The following RALGAPA1 variants were observed in gnomAD, a reference collection of about 807,000 sequenced individuals.
RALGAPA1 encodes Ral GTPase activating protein catalytic subunit alpha 1.
In RALGAPA1, 52 loss-of-function variants were observed where a neutral mutation model predicts 269.6. The observed-to-expected ratio is 0.19, with a 90% CI of 0.15 to 0.24. The LOEUF (loss-of-function observed/expected upper bound fraction) is 0.24, where lower values mean the gene tolerates loss of function less well. Ranked by LOEUF, RALGAPA1 falls within the 10% of genes least tolerant of loss-of-function variation. The pLI is 1.00. For missense variants in RALGAPA1, 1,917 were observed against 3,013.9 expected (o/e 0.64, Z 8.52); for synonymous variants, 817 against 1,008.3 (o/e 0.81, Z 3.60).
At chr14:35,805,616 A>ACTCT (rs1466404203) in intron 1 of RALGAPA1, among the ~76,000 whole-genome samples, 4 of 151,612 alleles carry the variant, frequency 2.6e-5, no homozygotes, top group African/African-American at 9.7e-5. Flanking sequence ...GGAGAAAGAG[A>ACTCT]TTACAAAGGG....
At chr14:35,763,524 T>C (rs571929039) in intron 4 of RALGAPA1, among the ~76,000 whole-genome samples, 1 of 152,158 alleles carries the variant, frequency 6.6e-6, no homozygotes, top group African/African-American at 2.4e-5. Context: ...TTTATTTTTT[T>C]AAAAAGTTAT....
rs116501841 is a variant in RALGAPA1, at chr14:35,685,871, G to A, written c.4077+671C>T. Among the ~76,000 whole-genome samples the A allele has an allele frequency of 4.3e-3, 654 of 152,170 alleles. 3 individuals are homozygous for A. The highest frequency in any genetic ancestry group is 0.014 in the African/African-American group (587 of 41,538). On this transcript the variant is annotated intron_variant, in intron 19 of 41. Transcript: ENST00000680220. ...GTGAGCACTGCACTCCACCCTGGGC[G>A]ACAAAGCGACACTCTGTCTCAAAAG...
At chr14:35,696,154 G>A (rs2066878493) in intron 17 of RALGAPA1, among the ~76,000 whole-genome samples, 1 of 152,152 alleles carries the variant, frequency 6.6e-6, no homozygotes, top group South Asian at 2.1e-4. Context: ...CATTTTGGGA[G>A]GCCAAGGTGT....
chr14:35,705,118 T>C (rs1266735657), intron 16 of RALGAPA1, among the ~76,000 whole-genome samples: 1 of 152,164 alleles, frequency 6.6e-6, no homozygotes, highest in Non-Finnish European at 1.5e-5. Flanking sequence ...ATTAACATCT[T>C]GTATTAGCAT....
chr14:35,723,739 TATAC>T (rs2069646020), intron 14 of RALGAPA1: 2 of 152,158 alleles, frequency 1.3e-5, no homozygotes, highest in South Asian at 2.1e-4. Context: ...TTTGAAAATG[TATAC>T]ATAAACTAAA....
intron 28 of RALGAPA1, among the ~76,000 whole-genome samples, chr14:35,658,883 AAAATT>A (rs1224787578): frequency 6.6e-6 from 1 of 152,108 alleles, no homozygotes; most frequent in Non-Finnish European, 1.5e-5. Context: ...TAAATAAAAT[AAAATT>A]AAAACAAATC....
Position 35,625,438 on chromosome 14 carries a change from TAGAG to T in RALGAPA1, c.6858-10_6858-7del, listed in dbSNP as rs1566857707. 6.3e-7 allele frequency: 1 copy of T among 1,586,054 alleles called. No homozygotes were observed. Among genetic ancestry groups the T allele is most frequent in the South Asian group, 1.1e-5 (1 of 88,104 alleles). ...TCAGGAGATGAAAGCTCCTCCTAAA[TAGAG>T]AGATTTATAAACATTTTCATCACCT... is the stretch of plus-strand genomic sequence containing the variant. On this transcript the variant is annotated splice_region_variant and splice_polypyrimidine_tract_variant and intron_variant, in intron 34 of 41. Coordinates refer to ENST00000680220, the MANE Select transcript of RALGAPA1 (RefSeq NM_001346249.2).
At chr14:35,730,878 C>T (rs1215538662) in intron 12 of RALGAPA1, among the ~76,000 whole-genome samples, 1 of 152,216 alleles carries the variant, frequency 6.6e-6, no homozygotes, top group Non-Finnish European at 1.5e-5. Context: ...TTCCATACTA[C>T]CACAGCTGAT....
intron 33 of RALGAPA1, 24 bp downstream of exon 33, chr14:35,634,550 T>G: frequency 1.3e-6 from 2 of 1,577,054 alleles, no homozygotes; most frequent in Non-Finnish European, 8.6e-7. Context: ...GCAACAATAT[T>G]GTCCTGAACA....
chr14:35,727,310 CATATATATATATATAT>C (rs34288628), intron 13 of RALGAPA1, among the ~76,000 whole-genome samples: 12 of 104,476 alleles, frequency 1.1e-4, no homozygotes, highest in South Asian at 3.4e-4. Flanking sequence ...AAAATTATGG[CATATATATATATATAT>C]ATATATATAT....
At chr14:35,651,943 T>C in intron 30 of RALGAPA1, 70 bp from the exon 31 acceptor site, 12 of 1,313,248 alleles carry the variant, frequency 9.1e-6, no homozygotes, top group East Asian at 2.4e-5. Context: ...TAAAACTTGA[T>C]TGTTAAATGC....
intron 35 of RALGAPA1, among the ~76,000 whole-genome samples, chr14:35,618,651 T>C (rs2060408877): frequency 6.6e-6 from 1 of 152,000 alleles, no homozygotes; most frequent in Admixed American, 6.6e-5. Flanking sequence ...GCATAACTAC[T>C]AGAAAGGAGA....
At chr14:35,602,596 G>A (rs951365705) in intron 36 of RALGAPA1, among the ~76,000 whole-genome samples, 2 of 152,048 alleles carry the variant, frequency 1.3e-5, no homozygotes, top group Non-Finnish European at 2.9e-5. Flanking sequence ...TGTGCTTATT[G>A]GTCATATATC....
intron 28 of RALGAPA1, among the ~76,000 whole-genome samples, chr14:35,657,766 T>C (rs1206002891): frequency 1.3e-5 from 2 of 151,852 alleles, no homozygotes; most frequent in African/African-American, 4.8e-5. Context: ...TATTGCCACT[T>C]ATTAATTGTG....
At chr14:35,570,057 G>T (rs1322872664) in intron 39 of RALGAPA1, among the ~76,000 whole-genome samples, 1 of 151,394 alleles carries the variant, frequency 6.6e-6, no homozygotes, top group Admixed American at 6.6e-5. Flanking sequence ...ATCACCCGAG[G>T]TCAGGAGTTC....
chr14:35,803,132 G>C (rs1336019338), intron 1 of RALGAPA1, among the ~76,000 whole-genome samples: 1 of 152,194 alleles, frequency 6.6e-6, no homozygotes, highest in Non-Finnish European at 1.5e-5. Flanking sequence ...AAACACTGCG[G>C]TACTGGCACC....
chr14:35,801,608 T>C (rs375511066), intron 1 of RALGAPA1, among the ~76,000 whole-genome samples: 2 of 152,240 alleles, frequency 1.3e-5, no homozygotes, highest in Non-Finnish European at 1.5e-5. Flanking sequence ...GAGAGTATAA[T>C]CAACAATTTA....
At position 35,581,201 on chromosome 14, in the gene RALGAPA1, TACTAAAATAAA is replaced by T. The variant is rs568098070; in HGVS notation, c.7210-8494_7210-8484del. ...ATTTAACCTATCAAAAATAAAGTGA[TACTAAAATAAA>T]ACTAAAATATAAGCCTGCTACTTAG... On this transcript the variant is annotated intron_variant, in intron 37 of 41. Transcript: ENST00000680220. Among the ~76,000 whole-genome samples the T allele has an allele frequency of 2.4e-3, 364 of 152,242 alleles. 2 individuals are homozygous for T. The highest frequency in any genetic ancestry group is 3.0e-3 in the Non-Finnish European group (205 of 67,970).
chr14:35,747,895 C>T (rs1008393989), intron 10 of RALGAPA1, among the ~76,000 whole-genome samples: 3 of 151,772 alleles, frequency 2.0e-5, no homozygotes, highest in African/African-American at 7.3e-5. Flanking sequence ...CTTTTATTTT[C>T]CCTTTTTTTT....
Sources: gnomAD v4.1 joint callset for allele counts (sites outside exome capture counted in the v4.1 genomes callset) on GRCh38, gnomAD v4.1.1 for gene constraint, MANE v1.5 for transcripts, NCBI Gene and HGNC (gene_info 2026-07-23, HGNC 2026-07-21) for gene names.